Variants in KIR3DL2 observed in about 807,000 individuals in gnomAD.
The protein encoded by KIR3DL2 is killer cell immunoglobulin-like receptor 3DL2.
In KIR3DL2, 42 loss-of-function variants were observed where a neutral mutation model predicts 41.6. The observed-to-expected ratio is 1.01, with a 90% CI of 0.79 to 1.31. KIR3DL2 has a LOEUF of 1.31. KIR3DL2 is among the 50% of genes most tolerant of loss of function. The probability of loss-of-function intolerance (pLI) is 0.00; values close to 1 mark genes in which losing one functional copy is unlikely to be tolerated. For missense variants in KIR3DL2, 728 were observed against 576.8 expected (o/e 1.26, Z -2.68); for synonymous variants, 230 against 221.3 (o/e 1.04, Z -0.35).
intron 6 of KIR3DL2, among the ~76,000 whole-genome samples, chr19:54,860,098 T>C (rs2065069673): frequency 6.6e-6 from 1 of 152,082 alleles, no homozygotes; most frequent in Admixed American, 6.5e-5. Flanking sequence ...TTCAGCTGAC[T>C]AGCAACCATA....
At chr19:54,862,438 A>G (rs2145705184) in intron 6 of KIR3DL2, among the ~76,000 whole-genome samples, 1 of 152,256 alleles carries the variant, frequency 6.6e-6, no homozygotes, top group South Asian at 2.1e-4. Context: ...CCGTCACTCC[A>G]GGGAGACAGA....
At position 54,866,764 on chromosome 19, in the gene KIR3DL2, C is replaced by T. The variant is rs2065562271; in HGVS notation, c.*33C>T. On this transcript the variant is annotated 3_prime_UTR_variant, in exon 9 of 9. Transcript: ENST00000326321. The stretch of plus-strand genomic sequence containing the variant: ...ACAGCCCTGTCTCAAAACCAGGTTG[C>T]CAGATCCAATGAACCAGCAGCTGGA... 4 of 1,607,392 alleles carry T rather than the reference C, an allele frequency of 2.5e-6. No homozygotes were observed. In the East Asian group the frequency reaches 6.7e-5, roughly 27 times the overall value.
At chr19:54,855,416 C>G (rs2064665078) in intron 4 of KIR3DL2, among the ~76,000 whole-genome samples, 1 of 150,660 alleles carries the variant, frequency 6.6e-6, no homozygotes, top group Non-Finnish European at 1.5e-5. Flanking sequence ...GAAAGCATAC[C>G]CAGGGGTGGG....
chr19:54,863,414 C>T (rs1001130887), intron 6 of KIR3DL2, among the ~76,000 whole-genome samples: 12 of 152,042 alleles, frequency 7.9e-5, no homozygotes, highest in African/African-American at 2.9e-4. Flanking sequence ...AGCTCTAGAT[C>T]CCTGAGGAAT....
intron 3 of KIR3DL2, among the ~76,000 whole-genome samples, chr19:54,852,557 T>A (rs2064368932): frequency 6.6e-6 from 1 of 151,500 alleles, no homozygotes; most frequent in Non-Finnish European, 1.5e-5. Flanking sequence ...GACCTTGAGA[T>A]GGGGAGACAG....
chr19:54,862,147 G>A (rs2065220119), intron 6 of KIR3DL2, among the ~76,000 whole-genome samples: 1 of 152,064 alleles, frequency 6.6e-6, no homozygotes, highest in Non-Finnish European at 1.5e-5. Flanking sequence ...TGGAACAGCA[G>A]CCTAACATGT....
rs879121631 is a variant in KIR3DL2 at position 54,855,712 on chromosome 19, A to G, written c.749A>G (p.Tyr250Cys). 7.4e-6 allele frequency: 12 copies of G among 1,613,252 alleles called. 1 individual carries two copies. The African/African-American group carries it at 1.3e-4, about 18-fold the overall frequency. Reference protein sequence around the residue: ...VTLSCSSWSSYDIYHLSREGE... With the variant: ...VTLSCSSWSSCDIYHLSREGE... ...TTGTCCTGTAGCTCCTGGAGCTCCT[A>G]TGACATCTACCATCTGTCCAGGGAA... is the stretch of plus-strand genomic sequence containing the variant. Residue 250 changes from tyrosine (Y) to cysteine (C), a missense_variant, in exon 5 of 9, where the codon TAT becomes TGT. Transcript: ENST00000326321.
chr19:54,856,089 C>T (rs1319888864), intron 5 of KIR3DL2, among the ~76,000 whole-genome samples, 177 bp downstream of exon 5: 3 of 151,404 alleles, frequency 2.0e-5, no homozygotes, highest in African/African-American at 7.3e-5. Context: ...TCTTGCATGG[C>T]CTGCATGGAG....
chr19:54,857,861 G>A (rs1601783372), intron 5 of KIR3DL2, among the ~76,000 whole-genome samples: 1 of 151,802 alleles, frequency 6.6e-6, no homozygotes, highest in African/African-American at 2.4e-5. Context: ...TTAATGGGAT[G>A]AGATGAAAAC....
In KIR3DL2 at chr19:54,856,324, G is replaced by A. The variant is rs1310529063; in HGVS notation, c.949+412G>A. 5.3e-5 allele frequency among the ~76,000 whole-genome samples: 8 copies of A among 151,816 alleles called. No individual in the cohort carries two copies. The South Asian group carries it at 1.5e-3, about 28-fold the overall frequency. On this transcript the variant is annotated intron_variant, in intron 5 of 8. Transcript: ENST00000326321. The stretch of plus-strand genomic sequence containing the variant: ...TTCATTTTCAAAAATATTTATTGAG[G>A]TTAAATGTAACTATATAATTTACCA...
Position 54,853,936 on chromosome 19 carries a change from T to C in KIR3DL2, c.545T>C (p.Ile182Thr). 6.2e-7 allele frequency: 1 copy of C among 1,613,472 alleles called. No homozygotes were observed. The highest frequency in any genetic ancestry group is 1.7e-5 in the Admixed American group (1 of 60,000). The change falls in exon 4 of 9, where the codon ATC becomes ACC. Residue 182 changes from isoleucine (I) to threonine (T), a missense_variant. Coordinates refer to ENST00000326321, the MANE Select transcript of KIR3DL2 (RefSeq NM_006737.4). ...HDGVSKANFS[I>T]GPLMPVLAGT... ...GGGGTCTCCAAGGCCAACTTCTCCATCGGTCCCTTGATGCCTGTCCTTGCA... is the reference window on the plus strand; with the variant it reads ...GGGGTCTCCAAGGCCAACTTCTCCACCGGTCCCTTGATGCCTGTCCTTGCA...
At chr19:54,853,200 C>T (rs1331669630) in intron 3 of KIR3DL2, among the ~76,000 whole-genome samples, 1 of 151,618 alleles carries the variant, frequency 6.6e-6, no homozygotes, top group Non-Finnish European at 1.5e-5. Flanking sequence ...GATGCCACCA[C>T]CAGGCTCCAT....
chr19:54,852,392 G>T, intron 3 of KIR3DL2, 110 bp downstream of exon 3: 3 of 1,439,932 alleles, frequency 2.1e-6, no homozygotes, highest in East Asian at 4.6e-5. Flanking sequence ...TGTATTTGGG[G>T]TCAAGGGAGA....
Position 54,851,029 on chromosome 19 carries a change from G to A in KIR3DL2, c.35-191G>A, listed in dbSNP as rs1248277861. ...CTGGAGTGGAGATCTGGGCCAGGAA[G>A]TGTTGATCTGGGCCTGGAGCCTGGG... is the stretch of plus-strand genomic sequence containing the variant. On this transcript the variant is annotated intron_variant, in intron 1 of 8. Transcript: ENST00000326321. 2.2e-5 allele frequency among the ~76,000 whole-genome samples: 3 copies of A among 137,832 alleles called. 1 individual carries two copies. The highest frequency in any genetic ancestry group is 2.4e-4 in the South Asian group (1 of 4,158). The allele number at this position is 137,832 out of a possible 152,430, so 90.4% of individuals were successfully genotyped here.
At chr19:54,851,868 T>G in intron 2 of KIR3DL2, 130 bp from the exon 3 acceptor site, 1 of 1,134,648 alleles carries the variant, frequency 8.8e-7, no homozygotes, top group Non-Finnish European at 1.3e-6. Flanking sequence ...GGGTGGGTCC[T>G]TCCTGTAGCC....
rs776217262 is a variant in KIR3DL2 at position 54,855,736 on chromosome 19, A to G, written c.773A>G (p.Glu258Gly). Residue 258 changes from glutamate (E) to glycine (G), a missense_variant, in exon 5 of 9, where the codon GAA (glutamate) becomes GGA (glycine). Glu to Gly is a moderately conservative substitution (Grantham distance 98, BLOSUM62 -2). Coordinates refer to ENST00000326321, the MANE Select transcript of KIR3DL2 (RefSeq NM_006737.4). ...TATGACATCTACCATCTGTCCAGGG[A>G]AGGGGAGGCCCATGAACGTAGGCTC... ...SSYDIYHLSR[E>G]GEAHERRLRA... 1.1e-3 allele frequency: 1,804 copies of G among 1,613,396 alleles called. 14 individuals carry two copies. Among genetic ancestry groups the G allele is most frequent in the Admixed American group, 2.3e-3 (136 of 59,980 alleles).
rs753599131 is a variant in KIR3DL2, at chr19:54,866,505, C to T, written c.1159-17C>T. On this transcript the variant is annotated splice_polypyrimidine_tract_variant and intron_variant, in intron 8 of 8. Transcript: ENST00000326321. ...AATGTGAGCACCCTCCCTCACTCAG[C>T]ATTTCCCTCTCTCCAGGACTCTGAT... 6.2e-7 allele frequency: 1 copy of T among 1,614,034 alleles called. No individual in the cohort carries two copies. The highest frequency in any genetic ancestry group is 1.1e-5 in the South Asian group (1 of 91,080).
At chr19:54,852,364 C>T (rs571840757) in intron 3 of KIR3DL2, 82 bp downstream of exon 3, 1 of 1,552,208 alleles carries the variant, frequency 6.4e-7, no homozygotes, top group Non-Finnish European at 8.7e-7. Context: ...ATCAGGGTCC[C>T]ATCACCCAGG....
At chr19:54,857,561 T>G (rs2064881465) in intron 5 of KIR3DL2, among the ~76,000 whole-genome samples, 1 of 151,492 alleles carries the variant, frequency 6.6e-6, no homozygotes, top group African/African-American at 2.4e-5. Flanking sequence ...ATTTATTTAT[T>G]TATGTTGAGA....
Sources: allele counts gnomAD v4.1 joint callset (sites outside exome capture counted in the v4.1 genomes callset), GRCh38; gene constraint gnomAD v4.1.1; transcripts MANE v1.5; gene names NCBI Gene and HGNC (gene_info 2026-07-23, HGNC 2026-07-21).